ANK2: variants seen among roughly 807,000 people sequenced by gnomAD.
ANK2 encodes the protein ankyrin-2.
ANK2 carries 83 observed loss-of-function variants against 360.5 expected under a neutral mutation model. That is an observed-to-expected ratio of 0.23 (90% CI 0.19 to 0.28). The LOEUF (loss-of-function observed/expected upper bound fraction) is 0.28. Ranked by LOEUF, ANK2 falls within the 10% of genes least tolerant of loss-of-function variation. The pLI is 1.00. For synonymous variants in ANK2, 1,740 were observed against 1,759.5 expected (o/e 0.99, Z 0.28); for missense variants, 4,201 against 4,795.7 (o/e 0.88, Z 3.66).
At chr4:113,158,963 G>A (rs186058038) in intron 1 of ANK2, among the ~76,000 whole-genome samples, 1 of 152,138 alleles carries the variant, frequency 6.6e-6, no homozygotes, top group Admixed American at 6.6e-5. Flanking sequence ...AGCGTAATTT[G>A]TATTTATATT....
the ANK2 span, among the ~76,000 whole-genome samples, chr4:112,721,846 G>A: frequency 6.6e-5 from 10 of 152,158 alleles, no homozygotes; most frequent in African/African-American, 2.4e-4. Flanking sequence ...GAGTAAGTGA[G>A]TCACCTGGGA....
intron 1 of ANK2, among the ~76,000 whole-genome samples, chr4:112,899,958 A>G (rs2082816840): frequency 6.6e-6 from 1 of 152,172 alleles, no homozygotes. Flanking sequence ...ATCTCTCCAT[A>G]TAGACCAAAA....
intron 2 of ANK2, among the ~76,000 whole-genome samples, chr4:113,039,897 C>T (rs2062529440): frequency 6.6e-6 from 1 of 151,506 alleles, no homozygotes. Context: ...ATATGGAGGC[C>T]CTAGGTTATT....
intron 1 of ANK2, among the ~76,000 whole-genome samples, chr4:112,862,422 G>C (rs1055355878): frequency 1.3e-5 from 2 of 152,102 alleles, no homozygotes; most frequent in Non-Finnish European, 2.9e-5. Context: ...GTGAAGGCTG[G>C]ACTTCATTAT....
chr4:113,186,679 C>T (rs1024744261), intron 2 of ANK2, among the ~76,000 whole-genome samples: 2 of 151,516 alleles, frequency 1.3e-5, no homozygotes, highest in African/African-American at 2.4e-5. Flanking sequence ...CTAGTCTTTT[C>T]AAGGCCTCTT....
chr4:113,133,083 T>A (rs1426758400), intron 1 of ANK2, among the ~76,000 whole-genome samples: 1 of 152,168 alleles, frequency 6.6e-6, no homozygotes, highest in Non-Finnish European at 1.5e-5. Flanking sequence ...AGTTATATTT[T>A]GAGGGCAACG....
intron 7 of ANK2, among the ~76,000 whole-genome samples, chr4:113,240,015 T>A (rs2038873423): frequency 6.6e-6 from 1 of 152,190 alleles, no homozygotes; most frequent in Admixed American, 6.5e-5. Context: ...CATATTTTCA[T>A]GCTTCCAAAA....
intron 1 of ANK2, chr4:112,904,451 T>G: frequency 7.1e-7 from 1 of 1,416,416 alleles, no homozygotes; most frequent in Non-Finnish European, 9.6e-7. Flanking sequence ...TTTTATCCTT[T>G]TAGGTAAGTA....
chr4:112,719,652 C>T, the ANK2 span, among the ~76,000 whole-genome samples: 1 of 150,462 alleles, frequency 6.6e-6, no homozygotes, highest in Non-Finnish European at 1.5e-5. Flanking sequence ...GGCGTGAACC[C>T]AGGGGGCGGA....
intron 13 of ANK2, among the ~76,000 whole-genome samples, chr4:113,262,981 A>G (rs113307896): frequency 2.8e-4 from 42 of 151,800 alleles, no homozygotes; most frequent in African/African-American, 9.7e-4. Context: ...CTAGGTCAGG[A>G]GTTCAAGACC....
At chr4:112,958,894 G>T (rs2033038725) in intron 2 of ANK2, among the ~76,000 whole-genome samples, 1 of 150,798 alleles carries the variant, frequency 6.6e-6, no homozygotes, top group Admixed American at 6.6e-5. Context: ...TATCCCCCAG[G>T]CTGGAGTGCG....
intron 2 of ANK2, among the ~76,000 whole-genome samples, chr4:112,994,597 T>G (rs2047923771): frequency 6.6e-6 from 1 of 152,300 alleles, no homozygotes; most frequent in Middle Eastern, 3.4e-3. Context: ...GGCTTTTGGA[T>G]TTTTAAAAAA....
At chr4:112,725,106 CCT>C in the ANK2 span, among the ~76,000 whole-genome samples, 1 of 151,742 alleles carries the variant, frequency 6.6e-6, no homozygotes, top group African/African-American at 2.4e-5. Flanking sequence ...AAGGTGAAAC[CCT>C]GTCTCTACTA....
chr4:112,761,259 A>G, the ANK2 span, among the ~76,000 whole-genome samples: 2 of 152,282 alleles, frequency 1.3e-5, no homozygotes, highest in South Asian at 4.1e-4. Context: ...AAACTGTGCC[A>G]TTTATTTCTT....
At chr4:113,049,576 A>G (rs2065982188), upstream of ANK2, 1 of 1,453,434 alleles carries the variant, frequency 6.9e-7, no homozygotes, top group South Asian at 1.3e-5. Flanking sequence ...AGCTGCTGCC[A>G]TGGCAACGTC....
chr4:113,382,634 TTTTC>T lies in ANK2; in HGVS notation c.*1175_*1178del, dbSNP rs1003180023. On this transcript the variant is annotated 3_prime_UTR_variant, in exon 46 of 46. Coordinates refer to ENST00000357077, the MANE Select transcript of ANK2 (RefSeq NM_001148.6). ...GTATGTTGGAGTGGTTTCTTTTTTT[TTTTC>T]TTTCTTTCTTTTTTTTCTTCAGGTT... 6 of 152,500 alleles carry T rather than the reference TTTTC, an allele frequency of 3.9e-5. No individual in the cohort carries two copies. The highest frequency in any genetic ancestry group is 7.2e-5 in the African/African-American group (3 of 41,432). The allele number at this position is 152,500 out of a possible 1,614,324, so 9.4% of individuals were successfully genotyped here.
At chr4:113,365,735 A>G (rs2096502129) in intron 41 of ANK2, among the ~76,000 whole-genome samples, 1 of 150,192 alleles carries the variant, frequency 6.7e-6, no homozygotes, top group African/African-American at 2.5e-5. Context: ...AACCTCCAAC[A>G]CTGTCTCTTT....
the ANK2 span, among the ~76,000 whole-genome samples, chr4:112,716,501 T>G: frequency 6.6e-6 from 1 of 152,214 alleles, no homozygotes; most frequent in African/African-American, 2.4e-5. Flanking sequence ...ATATGTAATT[T>G]TGATTTCAAT....
At chr4:112,860,282 A>G (rs1353426339) in intron 1 of ANK2, among the ~76,000 whole-genome samples, 1 of 151,768 alleles carries the variant, frequency 6.6e-6, no homozygotes, top group Non-Finnish European at 1.5e-5. Flanking sequence ...GCTGGAGTGC[A>G]GTGGTGTGAT....
Sources: gnomAD v4.1 joint callset for allele counts (sites outside exome capture counted in the v4.1 genomes callset) on GRCh38, gnomAD v4.1.1 for gene constraint, MANE v1.5 for transcripts, NCBI Gene and HGNC (gene_info 2026-07-23, HGNC 2026-07-21) for gene names.